AFAP1L1: variants seen among roughly 807,000 people sequenced by gnomAD.
AFAP1L1 encodes the protein actin filament-associated protein 1-like 1.
A neutral mutation model predicts 99.8 loss-of-function variants in AFAP1L1; 77 were observed. The ratio of observed to expected loss-of-function variants is 0.77; its 90% CI spans 0.64 to 0.93. The LOEUF (loss-of-function observed/expected upper bound fraction) is 0.93. AFAP1L1 is among the 40% of genes least tolerant of loss of function. AFAP1L1 has a pLI of 0.00. For synonymous variants in AFAP1L1, 373 were observed against 395.3 expected (o/e 0.94, Z 0.67); for missense variants, 893 against 996.8 (o/e 0.90, Z 1.40).
chr5:149,284,681 A>G (rs352357), intron 1 of AFAP1L1, among the ~76,000 whole-genome samples: 135,921 of 152,216 alleles, frequency 0.89, 61,919 homozygotes, highest in Non-Finnish European at 0.98. Flanking sequence ...TTCATCATCT[A>G]TGTCACAAAG....
At chr5:149,331,210 G>C (rs1004677696) in intron 16 of AFAP1L1, among the ~76,000 whole-genome samples, 14 of 152,310 alleles carry the variant, frequency 9.2e-5, no homozygotes, top group Middle Eastern at 3.4e-3. Flanking sequence ...GCCGAGGCAG[G>C]AGGCCTGTTT....
chr5:149,332,576 C>T (rs567975378), intron 16 of AFAP1L1, 119 bp from the exon 17 acceptor site: 17 of 1,107,968 alleles, frequency 1.5e-5, no homozygotes, highest in Admixed American at 8.6e-5. Context: ...CATCTCTTAA[C>T]CAAGACTGGG....
At chr5:149,311,993 C>A (rs1486620052) in intron 8 of AFAP1L1, 119 bp from the exon 9 acceptor site, 8 of 878,210 alleles carry the variant, frequency 9.1e-6, no homozygotes, top group African/African-American at 6.7e-5. Flanking sequence ...GTCAGTCCAT[C>A]TGTTCCCCAC....
chr5:149,284,298 C>T (rs983758034), intron 1 of AFAP1L1, among the ~76,000 whole-genome samples: 5 of 152,156 alleles, frequency 3.3e-5, no homozygotes, highest in Non-Finnish European at 5.9e-5. Flanking sequence ...GAGAGTATGA[C>T]GACTGAGGGC....
chr5:149,311,095 C>T (rs1252001112), intron 8 of AFAP1L1, among the ~76,000 whole-genome samples: 2 of 152,140 alleles, frequency 1.3e-5, no homozygotes, highest in Non-Finnish European at 2.9e-5. Flanking sequence ...ATCCTTGCAC[C>T]GCCTCTACTT....
intron 2 of AFAP1L1, among the ~76,000 whole-genome samples, chr5:149,299,947 C>T (rs1756141375): frequency 6.6e-6 from 1 of 151,896 alleles, no homozygotes; most frequent in Non-Finnish European, 1.5e-5. Context: ...CCCACATACC[C>T]CCCACACTGA....
intron 15 of AFAP1L1, among the ~76,000 whole-genome samples, chr5:149,323,345 A>T (rs1757008140): frequency 6.6e-6 from 1 of 152,208 alleles, no homozygotes; most frequent in Non-Finnish European, 1.5e-5. Context: ...AGCTCAGTGA[A>T]TTGCCTGATT....
chr5:149,276,211 C>G (rs1755317408), intron 1 of AFAP1L1, among the ~76,000 whole-genome samples: 1 of 152,202 alleles, frequency 6.6e-6, no homozygotes, highest in South Asian at 2.1e-4. Flanking sequence ...TATTTCACAG[C>G]AATTGCTGTG....
At position 149,294,684 on chromosome 5, in the gene AFAP1L1, T is replaced by A. The variant is rs994571538; in HGVS notation, c.17-4825T>A. Reference sequence around the variant, plus strand: ...TGGGGAGAGGGCCTTCACGCAGGAATTTCAGCCTCACGGTGAGGGTTTCCA... The same window carrying A: ...TGGGGAGAGGGCCTTCACGCAGGAAATTCAGCCTCACGGTGAGGGTTTCCA... On this transcript the variant is annotated intron_variant, in intron 1 of 18. Transcript: ENST00000296721. Among the ~76,000 whole-genome samples, 3 of 152,188 alleles carry A rather than the reference T, an allele frequency of 2.0e-5. No individual in the cohort carries two copies. In the South Asian group the frequency reaches 6.2e-4, roughly 31 times the overall value.
At position 149,322,706 on chromosome 5, in the gene AFAP1L1, G is replaced by A. The variant is rs750418239; in HGVS notation, c.1799G>A (p.Arg600His). ...GTGGACCCGCAGGTCAAAGTCAAAC[G>A]CCACGCCTCCAGTGAGTTGTGTGTG... ...HRVDPQVKVK[R>H]HASSANQYKY... Residue 600 changes from arginine (R) to histidine (H), a missense_variant, in exon 15 of 19, where the codon CGC (arginine) becomes CAC (histidine). Transcript: ENST00000296721. 7.6e-6 allele frequency: 12 copies of A among 1,583,654 alleles called. No individual in the cohort carries two copies. Among genetic ancestry groups the A allele is most frequent in the South Asian group, 2.3e-5 (2 of 86,572 alleles).
chr5:149,316,381 A>G (rs993236873), intron 11 of AFAP1L1, 78 bp downstream of exon 11: 18 of 1,527,108 alleles, frequency 1.2e-5, no homozygotes, highest in Admixed American at 7.3e-5. Flanking sequence ...AGGAGACCTC[A>G]TGCCTCGTCC....
chr5:149,307,618 G>C lies in AFAP1L1; in HGVS notation c.747+5G>C. ...ATCAGGGAGGACCAGCTCCTGGTGA[G>C]TGGTCAGCAGCAGCCATGTGCCTCG... On this transcript the variant is annotated splice_donor_5th_base_variant and intron_variant, in intron 7 of 18. Transcript: ENST00000296721. The C allele has an allele frequency of 6.2e-7, 1 of 1,611,836 alleles. No individual in the cohort carries two copies. Among genetic ancestry groups the C allele is most frequent in the Non-Finnish European group, 8.5e-7 (1 of 1,179,806 alleles).
intron 6 of AFAP1L1, 30 bp downstream of exon 6, chr5:149,306,434 GGCAGGGCTTCTGCCCTTGCAAAGA>G: frequency 6.3e-7 from 1 of 1,580,424 alleles, no homozygotes; most frequent in Non-Finnish European, 8.6e-7. Context: ...CCAGATGCTG[GGCAGGGCTTCTGCCCTTGCAAAGA>G]GCAGGCCTTG....
chr5:149,332,101 G>A (rs1757273291), intron 16 of AFAP1L1, among the ~76,000 whole-genome samples: 2 of 152,154 alleles, frequency 1.3e-5, no homozygotes, highest in Admixed American at 6.5e-5. Flanking sequence ...AAACTAAAGA[G>A]AATGGGGGTA....
At position 149,294,279 on chromosome 5, in the gene AFAP1L1, G is replaced by T. The variant is rs147234321; in HGVS notation, c.17-5230G>T. ...GGGAATGTGCATTTCCAACAATCCCGCTGGAGGAGTCTTTTCTTACTAAAA... is the reference window on the plus strand; with the variant it reads ...GGGAATGTGCATTTCCAACAATCCCTCTGGAGGAGTCTTTTCTTACTAAAA... On this transcript the variant is annotated intron_variant, in intron 1 of 18. Coordinates refer to ENST00000296721, the MANE Select transcript of AFAP1L1 (RefSeq NM_152406.4). Among the ~76,000 whole-genome samples the T allele has an allele frequency of 2.3e-3, 351 of 152,274 alleles. 1 individual carries two copies. Among genetic ancestry groups the T allele is most frequent in the African/African-American group, 8.1e-3 (337 of 41,548 alleles).
At chr5:149,301,821 C>T (rs898620812) in intron 4 of AFAP1L1, among the ~76,000 whole-genome samples, 1 of 152,258 alleles carries the variant, frequency 6.6e-6, no homozygotes, top group African/African-American at 2.4e-5. Flanking sequence ...TCACCAGCAA[C>T]AGTACCAGTC....
intron 17 of AFAP1L1, among the ~76,000 whole-genome samples, chr5:149,335,197 T>C (rs1757368115): frequency 6.6e-6 from 1 of 152,092 alleles, no homozygotes; most frequent in Non-Finnish European, 1.5e-5. Context: ...ATTTTAAAGT[T>C]CCTCATGCAG....
intron 18 of AFAP1L1, among the ~76,000 whole-genome samples, chr5:149,338,535 A>T (rs996042992): frequency 2.0e-5 from 3 of 152,212 alleles, no homozygotes; most frequent in Admixed American, 6.5e-5. Context: ...TTCAGAGCCT[A>T]AGAGGGAAGA....
At chr5:149,293,747 A>C (rs549789697) in intron 1 of AFAP1L1, among the ~76,000 whole-genome samples, 51 of 152,340 alleles carry the variant, frequency 3.3e-4, no homozygotes, top group Admixed American at 2.8e-3. Flanking sequence ...CATTTAGTGA[A>C]TGTTTGTTCG....
Sources: allele counts gnomAD v4.1 joint callset (sites outside exome capture counted in the v4.1 genomes callset), GRCh38; gene constraint gnomAD v4.1.1; transcripts MANE v1.5; gene names NCBI Gene and HGNC (gene_info 2026-07-23, HGNC 2026-07-21).